Variants in ROBO1 observed in about 807,000 individuals in gnomAD.
The protein encoded by ROBO1 is roundabout homolog 1.
In ROBO1, 149 loss-of-function variants were observed where a neutral mutation model predicts 195.9. The ratio of observed to expected loss-of-function variants is 0.76; its 90% confidence interval spans 0.67 to 0.87. The LOEUF (loss-of-function observed/expected upper bound fraction) is 0.87, where lower values mean the gene tolerates loss of function less well. Ranked by LOEUF, ROBO1 falls within the 40% of genes least tolerant of loss-of-function variation. The pLI is 0.00. For missense variants in ROBO1, 1,933 were observed against 2,068.3 expected (o/e 0.93, Z 1.27); for synonymous variants, 816 against 733.2 (o/e 1.11, Z -1.82).
intron 4 of ROBO1, among the ~76,000 whole-genome samples, chr3:78,863,352 C>A (rs1438124017): frequency 1.3e-5 from 2 of 152,124 alleles, no homozygotes; most frequent in Admixed American, 1.3e-4. Flanking sequence ...TTTATATAGC[C>A]CATACTTGTA....
At chr3:79,127,831 T>C (rs2080244595) in intron 2 of ROBO1, among the ~76,000 whole-genome samples, 1 of 152,224 alleles carries the variant, frequency 6.6e-6, no homozygotes, top group African/African-American at 2.4e-5. Flanking sequence ...ACTCATCACC[T>C]TTCTGGCCCC....
At chr3:79,439,524 T>C (rs1364688889) in intron 2 of ROBO1, among the ~76,000 whole-genome samples, 1 of 152,116 alleles carries the variant, frequency 6.6e-6, no homozygotes, top group Non-Finnish European at 1.5e-5. Context: ...CACATATATA[T>C]TGTCTTTGCC....
intron 2 of ROBO1, among the ~76,000 whole-genome samples, chr3:79,254,262 C>T (rs1484947882): frequency 2.6e-5 from 4 of 152,110 alleles, no homozygotes; most frequent in Non-Finnish European, 5.9e-5. Flanking sequence ...TATATGCATG[C>T]TATAACTCCA....
intron 3 of ROBO1, among the ~76,000 whole-genome samples, chr3:79,064,546 G>A (rs1294724271): frequency 6.6e-6 from 1 of 151,756 alleles, no homozygotes; most frequent in Non-Finnish European, 1.5e-5. Flanking sequence ...TTTTTAAATG[G>A]CAATGGGGCT....
At chr3:79,655,986 C>G (rs1190550362) in intron 1 of ROBO1, among the ~76,000 whole-genome samples, 2 of 152,074 alleles carry the variant, frequency 1.3e-5, no homozygotes, top group Non-Finnish European at 2.9e-5. Context: ...AATCACTTAA[C>G]TTTTTAAAAG....
At chr3:79,205,437 G>T (rs1000642456) in intron 2 of ROBO1, among the ~76,000 whole-genome samples, 21 of 152,162 alleles carry the variant, frequency 1.4e-4, no homozygotes, top group Non-Finnish European at 1.3e-4. Context: ...TGGAGATAAT[G>T]TTATCTACCT....
intron 1 of ROBO1, among the ~76,000 whole-genome samples, chr3:79,627,277 A>G (rs1945207938): frequency 6.6e-6 from 1 of 152,236 alleles, no homozygotes; most frequent in South Asian, 2.1e-4. Flanking sequence ...TAACCAAAGC[A>G]GCATGGTACT....
chr3:79,600,536 C>T (rs1374809384), intron 1 of ROBO1, among the ~76,000 whole-genome samples: 3 of 151,842 alleles, frequency 2.0e-5, no homozygotes, highest in Admixed American at 6.6e-5. Flanking sequence ...TAACAACAAA[C>T]GAAGTATACA....
intron 4 of ROBO1, among the ~76,000 whole-genome samples, chr3:78,923,549 T>C (rs2107609914): frequency 6.6e-6 from 1 of 152,158 alleles, no homozygotes; most frequent in African/African-American, 2.4e-5. Context: ...TCTATAGTAG[T>C]CTCCGCTTTT....
intron 1 of ROBO1, among the ~76,000 whole-genome samples, chr3:79,735,613 G>A (rs147135700): frequency 0.024 from 3,706 of 152,288 alleles, 140 homozygotes; most frequent in African/African-American, 0.085. Context: ...GCTCACGCCT[G>A]TAATCCCAGC....
chr3:79,673,488 C>A (rs540560226), intron 1 of ROBO1, among the ~76,000 whole-genome samples: 1 of 151,942 alleles, frequency 6.6e-6, no homozygotes, highest in South Asian at 2.1e-4. Context: ...TGGCCAGTGC[C>A]AATATATGTT....
At chr3:79,541,370 G>C (rs1942058728) in intron 2 of ROBO1, among the ~76,000 whole-genome samples, 1 of 151,960 alleles carries the variant, frequency 6.6e-6, no homozygotes, top group Non-Finnish European at 1.5e-5. Context: ...CCAGTGTTTT[G>C]ACACTGTATT....
At chr3:79,585,447 T>G (rs1943798104) in intron 2 of ROBO1, among the ~76,000 whole-genome samples, 1 of 152,010 alleles carries the variant, frequency 6.6e-6, no homozygotes, top group East Asian at 1.9e-4. Flanking sequence ...CAACAGGATA[T>G]ATTATGTTTT....
At chr3:79,650,721 C>T (rs1279406508) in intron 1 of ROBO1, among the ~76,000 whole-genome samples, 1 of 150,814 alleles carries the variant, frequency 6.6e-6, no homozygotes, top group East Asian at 2.0e-4. Flanking sequence ...GAAAATAGAC[C>T]CCAAAGCAAT....
chr3:79,180,198 G>A (rs575204726), intron 2 of ROBO1, among the ~76,000 whole-genome samples: 2 of 152,242 alleles, frequency 1.3e-5, no homozygotes, highest in Admixed American at 6.5e-5. Context: ...ATACAAGGTC[G>A]TTGTATCTGG....
chr3:79,272,236 T>C (rs866488872), intron 2 of ROBO1, among the ~76,000 whole-genome samples: 3 of 152,018 alleles, frequency 2.0e-5, no homozygotes, highest in Middle Eastern at 3.4e-3. Context: ...CAGGAATATA[T>C]AGAATTAGCT....
intron 3 of ROBO1, among the ~76,000 whole-genome samples, chr3:78,958,241 G>T (rs2041146073): frequency 6.6e-6 from 1 of 152,094 alleles, no homozygotes; most frequent in South Asian, 2.1e-4. Flanking sequence ...ATAATCTCTG[G>T]GTACGAAGAC....
At chr3:79,137,806 A>G (rs1298521933) in intron 2 of ROBO1, among the ~76,000 whole-genome samples, 6 of 152,028 alleles carry the variant, frequency 3.9e-5, no homozygotes, top group Admixed American at 1.3e-4. Context: ...TTATTCATCA[A>G]TCTAACTCTG....
chr3:79,754,517 T>C (rs766573409), intron 1 of ROBO1, among the ~76,000 whole-genome samples: 15 of 152,176 alleles, frequency 9.9e-5, no homozygotes, highest in Non-Finnish European at 1.6e-4. Flanking sequence ...AAGACAAGGT[T>C]ATAGGAACCA....
Sources: gnomAD v4.1 joint callset for allele counts (sites outside exome capture counted in the v4.1 genomes callset) on GRCh38, gnomAD v4.1.1 for gene constraint, MANE v1.5 for transcripts, NCBI Gene and HGNC (gene_info 2026-07-23, HGNC 2026-07-21) for gene names.